RGS3: variants seen among roughly 807,000 people sequenced by gnomAD.
RGS3 encodes regulator of G-protein signalling 3.
A neutral mutation model predicts 132.6 loss-of-function variants in RGS3; 80 were observed. The ratio of observed to expected loss-of-function variants is 0.60; its 90% confidence interval spans 0.50 to 0.73. The LOEUF is 0.73. Ranked by LOEUF, RGS3 falls within the 30% of genes least tolerant of loss-of-function variation. The pLI is 0.00. For synonymous variants in RGS3, 598 were observed against 620.6 expected (o/e 0.96, Z 0.54); for missense variants, 1,382 against 1,530.8 (o/e 0.90, Z 1.62).
At chr9:113,560,722 A>G (rs1390463439) in intron 19 of RGS3, among the ~76,000 whole-genome samples, 2 of 152,234 alleles carry the variant, frequency 1.3e-5, no homozygotes, top group African/African-American at 4.8e-5. Context: ...GAGCCCCAGG[A>G]AGTAAAAGCT....
At position 113,584,547 on chromosome 9, in the gene RGS3, G is replaced by A. The variant is rs964723023; in HGVS notation, c.3015+120G>A. The stretch of plus-strand genomic sequence containing the variant: ...CCCACTATCCTGGCAGCCTCCCAGC[G>A]AACTTTCCACCTGTTGGACAGAAGA... On this transcript the variant is annotated intron_variant, in intron 20 of 24. Coordinates refer to ENST00000350696, the Ensembl canonical transcript of RGS3. 17 of 1,170,608 alleles carry A rather than the reference G, an allele frequency of 1.5e-5. 1 individual carries two copies. The highest frequency in any genetic ancestry group is 7.8e-5 in the African/African-American group (5 of 64,508). The allele number at this position is 1,170,608 out of a possible 1,614,324, so 72.5% of individuals were successfully genotyped here.
At chr9:113,515,340 A>G (rs1831600421) in intron 15 of RGS3, among the ~76,000 whole-genome samples, 1 of 151,924 alleles carries the variant, frequency 6.6e-6, no homozygotes, top group South Asian at 2.1e-4. Context: ...TTTAAAAATA[A>G]CCTTTATTGG....
intron 3 of RGS3, among the ~76,000 whole-genome samples, chr9:113,475,876 G>A (rs1829977295): frequency 6.6e-6 from 1 of 152,030 alleles, no homozygotes; most frequent in Non-Finnish European, 1.5e-5. Context: ...TCACCTGGAG[G>A]TTTCTTTCTC....
chr9:113,557,723 A>G (rs924324482), intron 19 of RGS3, among the ~76,000 whole-genome samples: 1 of 152,166 alleles, frequency 6.6e-6, no homozygotes, highest in Admixed American at 6.5e-5. Context: ...AATCGATGAC[A>G]GTTGTGCCAA....
At chr9:113,497,384 G>A (rs547494343) in exon 9 of RGS3, 13 of 1,613,460 alleles carry the variant, frequency 8.1e-6, no homozygotes, top group Admixed American at 5.0e-5. Flanking sequence ...GTGGCCAGGC[G>A]GCGACTGCGG....
intron 17 of RGS3, among the ~76,000 whole-genome samples, chr9:113,524,096 G>A (rs1832090010): frequency 6.6e-6 from 1 of 152,204 alleles, no homozygotes. Context: ...AGCCGCCTGA[G>A]CAACTCCAGT....
chr9:113,465,439 CTGTGTGTGTGTGTGTGTG>C (rs3221187), intron 3 of RGS3, among the ~76,000 whole-genome samples: 33 of 135,410 alleles, frequency 2.4e-4, no homozygotes, highest in Admixed American at 1.2e-3. Flanking sequence ...ACACCTATTT[CTGTGTGTGTGTGTGTGTG>C]TGTGTGTGTG....
intron 18 of RGS3, among the ~76,000 whole-genome samples, chr9:113,533,806 C>T (rs1832569858): frequency 6.6e-6 from 1 of 152,202 alleles, no homozygotes; most frequent in African/African-American, 2.4e-5. Context: ...AGCAGAGGGC[C>T]TTCTGGTCAG....
intron 19 of RGS3, among the ~76,000 whole-genome samples, chr9:113,571,057 A>G (rs1475529711): frequency 1.3e-5 from 2 of 152,242 alleles, no homozygotes; most frequent in Non-Finnish European, 2.9e-5. Context: ...GGCAAGATTC[A>G]TCAATAATAT....
At chr9:113,587,155 G>A in intron 20 of RGS3, among the ~76,000 whole-genome samples, 1 of 151,626 alleles carries the variant, frequency 6.6e-6, no homozygotes, top group Non-Finnish European at 1.5e-5. Flanking sequence ...GATGGCACTG[G>A]ACAAGGCCTC....
chr9:113,551,546 C>T (rs906987054), intron 19 of RGS3, among the ~76,000 whole-genome samples: 1 of 152,190 alleles, frequency 6.6e-6, no homozygotes, highest in Non-Finnish European at 1.5e-5. Context: ...AACTACCAGA[C>T]TGTTGTCCAA....
chr9:113,593,001 G>C (rs966880063), intron 21 of RGS3: 2 of 152,226 alleles, frequency 1.3e-5, no homozygotes, highest in African/African-American at 4.8e-5. Flanking sequence ...ACTGTGCAAA[G>C]AGGCTAAGTT....
At chr9:113,561,891 T>A (rs925014664) in intron 19 of RGS3, among the ~76,000 whole-genome samples, 1 of 152,182 alleles carries the variant, frequency 6.6e-6, no homozygotes, top group African/African-American at 2.4e-5. Context: ...TGGGCTCTGC[T>A]TGGGGGTACT....
At chr9:113,546,796 C>T (rs182367751) in intron 19 of RGS3, among the ~76,000 whole-genome samples, 1 of 152,352 alleles carries the variant, frequency 6.6e-6, no homozygotes, top group East Asian at 1.9e-4. Flanking sequence ...GCTGGAGCTG[C>T]TGCTGTAGGT....
Position 113,463,988 on chromosome 9 carries a change from C to T in RGS3, c.415+1787C>T. On this transcript the variant is annotated intron_variant, in intron 3 of 24. Coordinates refer to ENST00000350696, the Ensembl canonical transcript of RGS3. The surrounding 1 kb of genome is among the most constrained non-coding windows in gnomAD (Gnocchi z 4.6). ...GGGAGGCTGGGAGCAGGTGCTCTTT[C>T]TATCTAGGGGCACCTTCTCTGGCCC... 1 of 1,186,270 alleles carries T rather than the reference C, an allele frequency of 8.4e-7. No individual in the cohort carries two copies. Among genetic ancestry groups the T allele is most frequent in the Non-Finnish European group, 1.2e-6 (1 of 833,452 alleles). 73.5% of individuals were successfully genotyped at this position (1,186,270 alleles called of 1,614,324 possible). A position where few individuals can be genotyped will look rare whatever the true frequency, so the allele number is the denominator to read the frequency against.
At chr9:113,584,209 G>A (rs1432515675) in exon 20 of RGS3, 1 of 1,614,038 alleles carries the variant, frequency 6.2e-7, no homozygotes, top group Admixed American at 1.7e-5. Context: ...CTCACTGCGT[G>A]TGCAGAACTC....
chr9:113,556,656 C>T (rs1833577850), intron 19 of RGS3, among the ~76,000 whole-genome samples: 1 of 152,172 alleles, frequency 6.6e-6, no homozygotes, highest in Non-Finnish European at 1.5e-5. Flanking sequence ...ACCCCAGAGC[C>T]CACCCTGCCC....
At chr9:113,553,977 T>A (rs1833467005) in intron 19 of RGS3, among the ~76,000 whole-genome samples, 1 of 152,274 alleles carries the variant, frequency 6.6e-6, no homozygotes, top group Non-Finnish European at 1.5e-5. Context: ...TTCTGAACAA[T>A]GTTGCAATAA....
intron 17 of RGS3, among the ~76,000 whole-genome samples, chr9:113,526,229 A>G (rs1832200873): frequency 6.6e-6 from 1 of 152,224 alleles, no homozygotes; most frequent in Non-Finnish European, 1.5e-5. Flanking sequence ...CCTTAGAGCC[A>G]GGTAGGCAGT....
Sources: allele counts gnomAD v4.1 joint callset (sites outside exome capture counted in the v4.1 genomes callset), GRCh38; gene constraint gnomAD v4.1.1; non-coding constraint Gnocchi (gnomAD v3.1); transcripts MANE v1.5; gene names NCBI Gene and HGNC (gene_info 2026-07-23, HGNC 2026-07-21).